Variants in CCSER1 observed in about 807,000 individuals in gnomAD.
The protein encoded by CCSER1 is coiled-coil serine rich protein 1, also known as serine-rich coiled-coil domain-containing protein 1.
In CCSER1, 41 loss-of-function variants were observed where a neutral mutation model predicts 82.0. The observed-to-expected ratio is 0.50, with a 90% confidence interval of 0.39 to 0.65. The LOEUF is 0.65. Among genes scored for constraint, CCSER1 ranks in the 30% least tolerant of loss-of-function variants. The pLI is 0.00. For missense variants in CCSER1, 1,119 were observed against 1,064.2 expected (o/e 1.05, Z -0.72); for synonymous variants, 414 against 383.9 (o/e 1.08, Z -0.92).
chr4:91,358,821 G>A (rs753588167), intron 10 of CCSER1, among the ~76,000 whole-genome samples: 1 of 152,118 alleles, frequency 6.6e-6, no homozygotes, highest in Non-Finnish European at 1.5e-5. Context: ...CTACCCGGGA[G>A]CGCTCTTTGG....
chr4:91,272,848 G>A (rs1257463385), intron 10 of CCSER1, among the ~76,000 whole-genome samples: 1 of 152,132 alleles, frequency 6.6e-6, no homozygotes, highest in Non-Finnish European at 1.5e-5. Flanking sequence ...TTTTTGAATA[G>A]TGTGTGCTTT....
chr4:90,997,443 G>C (rs373517862), intron 9 of CCSER1, among the ~76,000 whole-genome samples: 2 of 151,994 alleles, frequency 1.3e-5, no homozygotes, highest in Non-Finnish European at 2.9e-5. Context: ...CCTATCCTAG[G>C]GTTCTTAATT....
At chr4:91,065,781 A>C (rs1720749586) in intron 9 of CCSER1, among the ~76,000 whole-genome samples, 1 of 152,118 alleles carries the variant, frequency 6.6e-6, no homozygotes, top group African/African-American at 2.4e-5. Context: ...AGGTATAGAA[A>C]TTATAAATAA....
intron 5 of CCSER1, among the ~76,000 whole-genome samples, chr4:90,605,627 A>G (rs1297907427): frequency 6.6e-6 from 1 of 152,184 alleles, no homozygotes; most frequent in Admixed American, 6.5e-5. Context: ...GTCTAGTCCT[A>G]ATGCAGAGGA....
intron 9 of CCSER1, among the ~76,000 whole-genome samples, chr4:91,061,750 T>C (rs576741166): frequency 6.6e-6 from 1 of 152,028 alleles, no homozygotes; most frequent in Non-Finnish European, 1.5e-5. Context: ...AATAAAGTTG[T>C]GTGCAGTTAA....
intron 3 of CCSER1, among the ~76,000 whole-genome samples, chr4:90,380,094 C>T (rs1033338954): frequency 6.6e-6 from 1 of 152,138 alleles, no homozygotes; most frequent in Non-Finnish European, 1.5e-5. Flanking sequence ...ACCCTACCTC[C>T]AGCATTTGGG....
intron 9 of CCSER1, among the ~76,000 whole-genome samples, chr4:91,070,644 G>T (rs1721328669): frequency 6.6e-6 from 1 of 152,086 alleles, no homozygotes; most frequent in Admixed American, 6.6e-5. Flanking sequence ...ACCCTATTGT[G>T]AACTGTGCAT....
At chr4:90,376,231 A>G (rs1023906) in intron 3 of CCSER1, among the ~76,000 whole-genome samples, 14,679 of 152,176 alleles carry the variant, frequency 0.096, 1,189 homozygotes, top group East Asian at 0.32. Flanking sequence ...AGAGTGTTTC[A>G]TTATTATTGC....
Position 90,756,422 on chromosome 4 carries a change from G to A in CCSER1, c.2010+32431G>A, listed in dbSNP as rs184898190. ...ACAAACAACTTTTCAACATTTTTAG[G>A]AATGTTTCTTGAGGAATCATTCCTA... On this transcript the variant is annotated intron_variant, in intron 7 of 10. Coordinates refer to ENST00000509176, the MANE Select transcript of CCSER1 (RefSeq NM_001145065.2). Among the ~76,000 whole-genome samples, 1,433 of 151,822 alleles carry A rather than the reference G, an allele frequency of 9.4e-3. 9 individuals are homozygous for A. The highest frequency in any genetic ancestry group is 0.014 in the Middle Eastern group (4 of 294).
intron 10 of CCSER1, among the ~76,000 whole-genome samples, chr4:91,496,600 TTGAATATATATATA>T (rs1382052361): frequency 0.027 from 531 of 19,464 alleles, 132 homozygotes; most frequent in Middle Eastern, 0.045. Flanking sequence ...GAATATATAT[TTGAATATATATATA>T]CACGAATATA....
At chr4:90,147,918 A>C (rs1018560919) in intron 1 of CCSER1, among the ~76,000 whole-genome samples, 1 of 152,278 alleles carries the variant, frequency 6.6e-6, no homozygotes, top group Admixed American at 6.5e-5. Context: ...TAATCCTAGC[A>C]CTTTGGGAGG....
At chr4:91,431,202 C>G (rs1754286389) in intron 10 of CCSER1, among the ~76,000 whole-genome samples, 1 of 152,134 alleles carries the variant, frequency 6.6e-6, no homozygotes, top group Non-Finnish European at 1.5e-5. Flanking sequence ...CGCCAATGCA[C>G]TCCAGTCTGG....
In CCSER1 at chr4:91,009,460, C is replaced by T. The variant is rs182563045; in HGVS notation, c.2173-76490C>T. Among the ~76,000 whole-genome samples, 1,447 of 152,140 alleles carry T rather than the reference C, an allele frequency of 9.5e-3. 10 individuals carry two copies. The highest frequency in any genetic ancestry group is 0.012 in the Non-Finnish European group (849 of 68,022). Reference sequence around the variant, plus strand: ...CAAGCCCCGCGTTTAAAGGTGGATGCAGTCACCTTCCCAGGTAGGCTTAGG... The same window carrying T: ...CAAGCCCCGCGTTTAAAGGTGGATGTAGTCACCTTCCCAGGTAGGCTTAGG... On this transcript the variant is annotated intron_variant, in intron 9 of 10. Transcript: ENST00000509176.
At chr4:90,354,858 C>A (rs58727136) in intron 3 of CCSER1, among the ~76,000 whole-genome samples, 1 of 151,762 alleles carries the variant, frequency 6.6e-6, no homozygotes, top group Non-Finnish European at 1.5e-5. Flanking sequence ...ATTGCAAATG[C>A]GGGCTTTTCT....
intron 10 of CCSER1, among the ~76,000 whole-genome samples, chr4:91,149,341 T>G (rs1385358444): frequency 6.6e-6 from 1 of 152,208 alleles, no homozygotes; most frequent in East Asian, 1.9e-4. Flanking sequence ...TTTTTTCTCA[T>G]AAATTTGTTT....
At chr4:90,217,195 T>C (rs754326716) in intron 1 of CCSER1, among the ~76,000 whole-genome samples, 1 of 152,130 alleles carries the variant, frequency 6.6e-6, no homozygotes. Flanking sequence ...TCTTTAGACG[T>C]TTTTTTGTTT....
At chr4:91,146,726 G>A (rs1729579556) in intron 10 of CCSER1, among the ~76,000 whole-genome samples, 1 of 152,052 alleles carries the variant, frequency 6.6e-6, no homozygotes, top group African/African-American at 2.4e-5. Context: ...CTCTGTATGG[G>A]TTTTTTACGT....
chr4:90,943,239 T>C (rs1019834162), intron 9 of CCSER1, among the ~76,000 whole-genome samples: 2 of 152,134 alleles, frequency 1.3e-5, no homozygotes, highest in African/African-American at 4.8e-5. Context: ...AGAAATATGC[T>C]ACACAGATTT....
At chr4:90,577,618 T>A (rs1780912006) in intron 5 of CCSER1, among the ~76,000 whole-genome samples, 1 of 152,106 alleles carries the variant, frequency 6.6e-6, no homozygotes, top group Admixed American at 6.5e-5. Flanking sequence ...AGCTTTTAAA[T>A]TGTTGGTAGG....
Sources: gnomAD v4.1 joint callset for allele counts (sites outside exome capture counted in the v4.1 genomes callset) on GRCh38, gnomAD v4.1.1 for gene constraint, MANE v1.5 for transcripts, NCBI Gene and HGNC (gene_info 2026-07-23, HGNC 2026-07-21) for gene names.